ZNF682: variants seen among roughly 807,000 people sequenced by gnomAD.
ZNF682 encodes zinc finger protein 682.
Under a neutral mutation model 36.5 loss-of-function variants are expected in ZNF682, and 29 were observed. That is an observed-to-expected ratio of 0.80 (90% confidence interval 0.59 to 1.08). The LOEUF (loss-of-function observed/expected upper bound fraction) is 1.08, where lower values mean the gene tolerates loss of function less well. Ranked by LOEUF, ZNF682 falls within the 50% of genes least tolerant of loss-of-function variation. ZNF682 has a pLI of 0.00. For missense variants in ZNF682, 561 were observed against 579.7 expected, an observed-to-expected ratio of 0.97 and a Z score of 0.33; for synonymous variants, 180 against 197.0, an observed-to-expected ratio of 0.91 and a Z score of 0.72.
intron 3 of ZNF682, among the ~76,000 whole-genome samples, chr19:20,010,695 G>A (rs2088277852): frequency 6.6e-6 from 1 of 151,790 alleles, no homozygotes; most frequent in Non-Finnish European, 1.5e-5. Context: ...TGGCCAGTGC[G>A]GTGGCTCACC....
chr19:20,038,600 T>G (rs552307623), intron 1 of ZNF682, among the ~76,000 whole-genome samples: 1 of 125,492 alleles, frequency 8.0e-6, no homozygotes, highest in South Asian at 3.2e-4. Flanking sequence ...TCTAGTACCC[T>G]GAGTTCCTAC....
chr19:20,011,776 G>A (rs988278787), intron 3 of ZNF682, among the ~76,000 whole-genome samples: 1 of 152,180 alleles, frequency 6.6e-6, no homozygotes, highest in Non-Finnish European at 1.5e-5. Context: ...GGTGGCTCAT[G>A]TCTGCAATCC....
intron 1 of ZNF682, among the ~76,000 whole-genome samples, chr19:20,036,762 T>C (rs2122396760): frequency 7.1e-6 from 1 of 141,220 alleles, no homozygotes; most frequent in East Asian, 2.0e-4. Context: ...AGGCCAGGTG[T>C]TCGACACCAG....
At chr19:20,035,796 T>C (rs1463915723) in intron 1 of ZNF682, among the ~76,000 whole-genome samples, 1 of 151,548 alleles carries the variant, frequency 6.6e-6, no homozygotes, top group Non-Finnish European at 1.5e-5. Context: ...AGTGCAGTAG[T>C]GTGATCCTGG....
At chr19:20,034,514 C>T (rs999719164) in intron 1 of ZNF682, among the ~76,000 whole-genome samples, 4 of 152,184 alleles carry the variant, frequency 2.6e-5, no homozygotes, top group African/African-American at 7.2e-5. Context: ...CGCGGTGACT[C>T]ACGCCTGTAA....
intron 1 of ZNF682, 27 bp downstream of exon 1, chr19:20,039,316 T>C (rs2286921): frequency 0.78 from 1,261,053 of 1,610,880 alleles, 495,524 homozygotes; most frequent in South Asian, 0.86. Context: ...TGCCCCCACC[T>C]CGGGATGCGC....
chr19:20,006,089 A>G lies in ZNF682; in HGVS notation c.1413T>C (p.His471=). Residue 471 remains histidine, a synonymous_variant, in exon 4 of 4, where the codon CAT becomes CAC. Transcript: ENST00000397165. ...AFKRCSHLNE[H]KRVQRGEKSC... is the part of the protein sequence containing the mutation. ...ATTTCTCTCCTCTTTGAACTCTCTT[A>G]TGTTCATTAAGATGTGAGCACCGTT... 1.9e-6 allele frequency: 3 copies of G among 1,613,876 alleles called. No individual in the cohort carries two copies. Among genetic ancestry groups the G allele is most frequent in the Non-Finnish European group, 8.5e-7 (1 of 1,179,942 alleles).
rs913425373 is a variant in ZNF682 at position 20,006,707 on chromosome 19, G to A, written c.795C>T (p.Ala265=). The change falls in exon 4 of 4, where the codon GCC becomes GCT. Residue 265 remains alanine (A), a synonymous_variant. Transcript: ENST00000397165. ...KPYKCEECGK[A]FHWCSPFVRH... is the part of the protein sequence containing the mutation. Reference sequence around the variant, plus strand: ...TAACAAAGGGTGAACACCAGTGAAAGGCTTTTCCACATTCTTCACATTTGT... The same window carrying A: ...TAACAAAGGGTGAACACCAGTGAAAAGCTTTTCCACATTCTTCACATTTGT... The A allele has an allele frequency of 6.2e-7, 1 of 1,613,276 alleles. No individual in the cohort carries two copies. The highest frequency in any genetic ancestry group is 1.3e-5 in the African/African-American group (1 of 74,720).
chr19:20,023,890 G>C (rs904672337), intron 2 of ZNF682, among the ~76,000 whole-genome samples: 8 of 152,072 alleles, frequency 5.3e-5, no homozygotes, highest in Non-Finnish European at 1.0e-4. Context: ...GCTAAGACAG[G>C]AGAATCACTT....
intron 3 of ZNF682, among the ~76,000 whole-genome samples, chr19:19,999,130 A>G (rs2088146671): frequency 6.6e-6 from 1 of 152,118 alleles, no homozygotes. Context: ...GAGAGTCATC[A>G]CCAGAGCTCA....
intron 1 of ZNF682, among the ~76,000 whole-genome samples, chr19:20,026,697 C>T (rs1002410084): frequency 1.3e-5 from 2 of 152,108 alleles, no homozygotes; most frequent in Non-Finnish European, 2.9e-5. Context: ...AACTCCTGGC[C>T]TCAAGCGATC....
At chr19:20,003,517 A>T (rs1300727117), downstream of ZNF682, among the ~76,000 whole-genome samples, 1 of 151,936 alleles carries the variant, frequency 6.6e-6, no homozygotes. Flanking sequence ...ATCCAGGCTA[A>T]CATGGTGAAA....
chr19:20,029,348 T>C (rs2088460197), intron 1 of ZNF682, among the ~76,000 whole-genome samples: 2 of 150,802 alleles, frequency 1.3e-5, no homozygotes, highest in South Asian at 2.1e-4. Flanking sequence ...TGCCTGTAAT[T>C]CCAGCACTTT....
Position 20,039,414 on chromosome 19 carries a change from C to T in ZNF682, c.-69G>A. The T allele has an allele frequency of 6.2e-7, 1 of 1,601,800 alleles. No individual in the cohort carries two copies. On this transcript the variant is annotated 5_prime_UTR_variant, in exon 1 of 4. Coordinates refer to ENST00000397165, the MANE Select transcript of ZNF682 (RefSeq NM_033196.3). ...ACAGCATCTGCAAGTCAGAGGGCAA[C>T]AGAGGCTGCGACAGTCACCGGGAAC...
downstream of ZNF682, among the ~76,000 whole-genome samples, chr19:19,995,244 C>T (rs1355663489): frequency 6.6e-6 from 1 of 152,084 alleles, no homozygotes; most frequent in Non-Finnish European, 1.5e-5. Context: ...AAGCAAATTG[C>T]AATGGGAAGA....
Position 20,006,630 on chromosome 19 carries a change from CCA to C in ZNF682, c.870_871del (p.Cys290TrpfsTer5), listed in dbSNP as rs770970830. The C allele has an allele frequency of 1.0e-4, 169 of 1,613,982 alleles. No individual in the cohort carries two copies. The highest frequency in any genetic ancestry group is 1.3e-4 in the Non-Finnish European group (153 of 1,180,026). On this transcript the variant is annotated frameshift_variant, in exon 4 of 4. Coordinates refer to ENST00000397165, the MANE Select transcript of ZNF682 (RefSeq NM_033196.3). LOFTEE classifies it high-confidence loss of function. ...ATGTGAGTGCCGGTTAAACGCTCTGCCACAGTCTTCACATGTATAGGGTTTTT... is the reference window on the plus strand; with the variant it reads ...ATGTGAGTGCCGGTTAAACGCTCTGCCAGTCTTCACATGTATAGGGTTTTT...
Position 20,039,201 on chromosome 19 carries a change from C to G in ZNF682, c.3+142G>C. 4 of 1,431,020 alleles carry G rather than the reference C, an allele frequency of 2.8e-6. No individual in the cohort carries two copies. The South Asian group carries it at 5.9e-5, about 21-fold the overall frequency. The allele number at this position is 1,431,020 out of a possible 1,614,324, so 88.6% of individuals were successfully genotyped here. On this transcript the variant is annotated intron_variant, in intron 1 of 3. Transcript: ENST00000397165. ...GCATCCTGTGCCCGGAGGTGATCGACGGCCGAGCTGTGCCTGCCGGGGACT... is the reference window on the plus strand; with the variant it reads ...GCATCCTGTGCCCGGAGGTGATCGAGGGCCGAGCTGTGCCTGCCGGGGACT...
intron 3 of ZNF682, among the ~76,000 whole-genome samples, chr19:20,021,339 G>A (rs1305685343): frequency 2.0e-5 from 3 of 152,038 alleles, no homozygotes; most frequent in African/African-American, 7.2e-5. Context: ...ATCACATGAG[G>A]CCAGGGGTTT....
Position 20,006,907 on chromosome 19 carries a change from T to C in ZNF682, c.595A>G (p.Lys199Glu), listed in dbSNP as rs778827359. Residue 199 changes from lysine to glutamate, a missense_variant, in exon 4 of 4, where the codon AAA (lysine) becomes GAA (glutamate). By Grantham distance (56) the Lys-to-Glu change is moderately conservative (BLOSUM62 1). Coordinates refer to ENST00000397165, the MANE Select transcript of ZNF682 (RefSeq NM_033196.3). ...CCACATTCCTCACATATGCAGAGTTTCTCTTCAGTGTGAATTATCTTATGA... is the reference window on the plus strand; with the variant it reads ...CCACATTCCTCACATATGCAGAGTTCCTCTTCAGTGTGAATTATCTTATGA... ...SYHKIIHTEE[K>E]LCICEECGKT... The C allele has an allele frequency of 6.2e-7, 1 of 1,614,040 alleles. No individual in the cohort carries two copies. The highest frequency in any genetic ancestry group is 8.5e-7 in the Non-Finnish European group (1 of 1,179,940).
Sources: gnomAD v4.1 joint callset for allele counts (sites outside exome capture counted in the v4.1 genomes callset) on GRCh38, gnomAD v4.1.1 for gene constraint, MANE v1.5 for transcripts, NCBI Gene and HGNC (gene_info 2026-07-23, HGNC 2026-07-21) for gene names.